SVIL: variants seen among roughly 807,000 people sequenced by gnomAD.
SVIL encodes archvillin.
A neutral mutation model predicts 240.4 loss-of-function variants in SVIL; 101 were observed. The observed-to-expected ratio is 0.42, with a 90% CI of 0.36 to 0.50. The LOEUF (loss-of-function observed/expected upper bound fraction) is 0.50, where lower values mean the gene tolerates loss of function less well. SVIL is among the 20% of genes least tolerant of loss of function. SVIL has a pLI of 0.01. For missense variants in SVIL, 2,512 were observed against 2,818.7 expected, an observed-to-expected ratio of 0.89 and a Z score of 2.46; for synonymous variants, 999 against 1,100.0, an observed-to-expected ratio of 0.91 and a Z score of 1.82.
chr10:29,504,151 A>G (rs1040349423), intron 17 of SVIL, among the ~76,000 whole-genome samples: 2 of 152,232 alleles, frequency 1.3e-5, no homozygotes, highest in African/African-American at 4.8e-5. Flanking sequence ...TATGTAAAAA[A>G]AAACTAGATA....
chr10:29,601,562 T>C (rs1164377993), intron 1 of SVIL, among the ~76,000 whole-genome samples: 1 of 152,218 alleles, frequency 6.6e-6, no homozygotes, highest in Non-Finnish European at 1.5e-5. Context: ...CATTTCAGGA[T>C]TGAACCTGTG....
At chr10:29,591,085 C>A (rs1956372075) in intron 1 of SVIL, among the ~76,000 whole-genome samples, 1 of 152,248 alleles carries the variant, frequency 6.6e-6, no homozygotes, top group South Asian at 2.1e-4. Context: ...TACAGTGAGA[C>A]AAACTCCCTG....
At chr10:29,472,811 G>T (rs1588859198) in intron 30 of SVIL, among the ~76,000 whole-genome samples, 1 of 152,154 alleles carries the variant, frequency 6.6e-6, no homozygotes, top group East Asian at 1.9e-4. Flanking sequence ...AGGGTCTCAG[G>T]GTCTCTGTCA....
intron 1 of SVIL, among the ~76,000 whole-genome samples, chr10:29,588,035 T>C (rs1451940507): frequency 6.6e-6 from 1 of 152,142 alleles, no homozygotes; most frequent in Non-Finnish European, 1.5e-5. Flanking sequence ...GGTGATTAAT[T>C]GCAGCACATT....
intron 6 of SVIL, among the ~76,000 whole-genome samples, chr10:29,539,365 C>T (rs906803717): frequency 1.3e-4 from 20 of 152,104 alleles, no homozygotes; most frequent in Admixed American, 1.2e-3. Context: ...AGAAGTCATG[C>T]GATTTTCAGC....
intron 16 of SVIL, among the ~76,000 whole-genome samples, chr10:29,515,224 A>C (rs1950129256): frequency 6.6e-6 from 1 of 152,196 alleles, no homozygotes; most frequent in African/African-American, 2.4e-5. Flanking sequence ...TAACTCCTGT[A>C]ATTCTCGAAT....
intron 2 of SVIL, among the ~76,000 whole-genome samples, chr10:29,671,976 C>T (rs1278304066): frequency 6.6e-6 from 1 of 152,192 alleles, no homozygotes; most frequent in East Asian, 1.9e-4. Context: ...CTGTGAGGTT[C>T]TATAATACAT....
At chr10:29,650,588 A>G (rs1958803505) in intron 3 of SVIL, among the ~76,000 whole-genome samples, 1 of 152,176 alleles carries the variant, frequency 6.6e-6, no homozygotes, top group African/African-American at 2.4e-5. Flanking sequence ...GTATTAATAA[A>G]TGCATATATA....
At chr10:29,482,295 A>G (rs1471186589) in intron 27 of SVIL, among the ~76,000 whole-genome samples, 2 of 151,942 alleles carry the variant, frequency 1.3e-5, no homozygotes, top group African/African-American at 4.8e-5. Context: ...CAGTCTCCCA[A>G]AGTGCTGGGA....
chr10:29,559,228 C>T (rs889032080), intron 3 of SVIL, among the ~76,000 whole-genome samples: 14 of 151,996 alleles, frequency 9.2e-5, no homozygotes, highest in African/African-American at 3.4e-4. Flanking sequence ...TTTGTAATAT[C>T]AGACGTACAG....
chr10:29,461,466 CTGTT>C, intron 36 of SVIL, among the ~76,000 whole-genome samples: 1 of 152,234 alleles, frequency 6.6e-6, no homozygotes, highest in South Asian at 2.1e-4. Flanking sequence ...GAAGTAGATT[CTGTT>C]TGTTTAAAAT....
At chr10:29,560,226 C>A (rs1954332006) in intron 3 of SVIL, among the ~76,000 whole-genome samples, 1 of 152,112 alleles carries the variant, frequency 6.6e-6, no homozygotes, top group Non-Finnish European at 1.5e-5. Flanking sequence ...CAATTACAAA[C>A]TAGAGGAATA....
At chr10:29,700,844 A>G (rs1445549832) in intron 1 of SVIL, among the ~76,000 whole-genome samples, 2 of 152,098 alleles carry the variant, frequency 1.3e-5, no homozygotes, top group African/African-American at 4.8e-5. Flanking sequence ...TCACGATTTC[A>G]GTCCTCTTGG....
At chr10:29,692,151 G>T (rs530652487) in intron 1 of SVIL, among the ~76,000 whole-genome samples, 46 of 152,158 alleles carry the variant, frequency 3.0e-4, no homozygotes, top group Non-Finnish European at 4.4e-4. Context: ...CGTGAACTTG[G>T]TTTCTTGTTT....
intron 10 of SVIL, 53 bp from the exon 11 acceptor site, chr10:29,530,721 G>A (rs374859532): frequency 1.4e-5 from 23 of 1,605,420 alleles, no homozygotes; most frequent in Non-Finnish European, 1.9e-5. Context: ...GGTTAAGTTC[G>A]GTCTCCAAAA....
chr10:29,580,057 G>A (rs1377482406), intron 1 of SVIL, among the ~76,000 whole-genome samples: 2 of 152,060 alleles, frequency 1.3e-5, no homozygotes, highest in South Asian at 2.1e-4. Flanking sequence ...AGGGCCTGGT[G>A]GTGGCTTATG....
chr10:29,619,831 A>G (rs1215031724), intron 1 of SVIL, among the ~76,000 whole-genome samples: 1 of 152,272 alleles, frequency 6.6e-6, no homozygotes, highest in Non-Finnish European at 1.5e-5. Context: ...TTTAAAAAAT[A>G]TTATGACAAA....
At chr10:29,695,939 C>G (rs1313621713) in intron 1 of SVIL, among the ~76,000 whole-genome samples, 1 of 109,096 alleles carries the variant, frequency 9.2e-6, no homozygotes, top group Non-Finnish European at 1.9e-5. Flanking sequence ...CTCCCTCTCC[C>G]TCTCCCTCTC....
intron 1 of SVIL, among the ~76,000 whole-genome samples, chr10:29,570,927 C>T (rs12775980): frequency 6.6e-6 from 1 of 152,176 alleles, no homozygotes; most frequent in African/African-American, 2.4e-5. Flanking sequence ...TCGTGTTATA[C>T]AATCCATACA....
Sources: gnomAD v4.1 joint callset for allele counts (sites outside exome capture counted in the v4.1 genomes callset) on GRCh38, gnomAD v4.1.1 for gene constraint, MANE v1.5 for transcripts, NCBI Gene and HGNC (gene_info 2026-07-23, HGNC 2026-07-21) for gene names.